The following SEMA5A variants were observed in gnomAD, a reference collection of about 807,000 sequenced individuals.
The protein encoded by SEMA5A is semaphorin-5A.
In SEMA5A, 55 loss-of-function variants were observed where a neutral mutation model predicts 135.5. That is an observed-to-expected ratio of 0.41 (90% CI 0.33 to 0.51). The LOEUF (loss-of-function observed/expected upper bound fraction) is 0.51. Among genes scored for constraint, SEMA5A ranks in the 20% least tolerant of loss-of-function variants. The pLI, the probability that SEMA5A is intolerant of heterozygous loss-of-function variation, is 0.37. For missense variants in SEMA5A, 1,290 were observed against 1,419.9 expected, an observed-to-expected ratio of 0.91 and a Z score of 1.47; for synonymous variants, 580 against 546.5, an observed-to-expected ratio of 1.06 and a Z score of -0.85.
chr5:9,488,258 A>C (rs879856675), intron 1 of SEMA5A, among the ~76,000 whole-genome samples: 1 of 152,076 alleles, frequency 6.6e-6, no homozygotes, highest in Admixed American at 6.6e-5. Context: ...CCTTCCTTGG[A>C]CATGTAAAAT....
At chr5:9,079,191 C>T (rs114496602) in intron 16 of SEMA5A, among the ~76,000 whole-genome samples, 16,316 of 151,864 alleles carry the variant, frequency 0.11, 999 homozygotes, top group Middle Eastern at 0.15. Flanking sequence ...TGCAAAAGAA[C>T]GGAAATCATA....
At chr5:9,336,513 T>C (rs1481891785) in intron 4 of SEMA5A, among the ~76,000 whole-genome samples, 2 of 152,204 alleles carry the variant, frequency 1.3e-5, no homozygotes, top group African/African-American at 4.8e-5. Flanking sequence ...TCCCCCAGTA[T>C]TGCTACTGGA....
intron 4 of SEMA5A, among the ~76,000 whole-genome samples, chr5:9,326,070 G>A (rs1296912723): frequency 2.0e-5 from 3 of 152,194 alleles, no homozygotes; most frequent in African/African-American, 4.8e-5. Flanking sequence ...GCCAGTTGGG[G>A]AAGGCTGAGA....
chr5:9,242,105 C>T (rs1220221083), intron 5 of SEMA5A, among the ~76,000 whole-genome samples: 1 of 152,206 alleles, frequency 6.6e-6, no homozygotes, highest in Admixed American at 6.6e-5. Flanking sequence ...GGAAATGTTA[C>T]ATTGCCATGG....
At chr5:9,182,527 A>G (rs1012240778) in intron 11 of SEMA5A, among the ~76,000 whole-genome samples, 4 of 152,038 alleles carry the variant, frequency 2.6e-5, no homozygotes, top group African/African-American at 4.8e-5. Flanking sequence ...TGTATAGTCC[A>G]TGTCTATTTG....
chr5:9,195,137 C>T (rs1285763522), intron 10 of SEMA5A, among the ~76,000 whole-genome samples: 1 of 152,194 alleles, frequency 6.6e-6, no homozygotes, highest in African/African-American at 2.4e-5. Context: ...TGCATTTACA[C>T]AACATTTGAT....
intron 5 of SEMA5A, among the ~76,000 whole-genome samples, chr5:9,277,587 T>C (rs976842643): frequency 2.6e-5 from 4 of 152,102 alleles, no homozygotes; most frequent in Non-Finnish European, 4.4e-5. Flanking sequence ...AATGATAGAC[T>C]GGATAAAGAA....
intron 16 of SEMA5A, among the ~76,000 whole-genome samples, chr5:9,082,846 C>T (rs1293832677): frequency 3.3e-5 from 5 of 152,164 alleles, no homozygotes; most frequent in Admixed American, 1.3e-4. Context: ...AATTATCCTA[C>T]TAGGAATATC....
chr5:9,374,327 C>G lies in SEMA5A; in HGVS notation c.124+5496G>C, dbSNP rs1023796952. On this transcript the variant is annotated intron_variant, in intron 3 of 22. Coordinates refer to ENST00000382496, the MANE Select transcript of SEMA5A (RefSeq NM_003966.3). ...CAGGTAAATCAGATCAAGACTCTGACAGAACATGCTAAGTTGCATGAAGAC... is the reference window on the plus strand; with the variant it reads ...CAGGTAAATCAGATCAAGACTCTGAGAGAACATGCTAAGTTGCATGAAGAC... Among the ~76,000 whole-genome samples the G allele has an allele frequency of 2.0e-5, 3 of 151,916 alleles. No individual in the cohort carries two copies. In the South Asian group the frequency reaches 6.3e-4, roughly 32 times the overall value.
At chr5:9,088,175 C>T (rs1738808822) in intron 16 of SEMA5A, among the ~76,000 whole-genome samples, 1 of 151,798 alleles carries the variant, frequency 6.6e-6, no homozygotes, top group African/African-American at 2.4e-5. Context: ...GGCATGGTGG[C>T]ATGTGCCTGT....
chr5:9,259,899 G>A (rs1270978050), intron 5 of SEMA5A, among the ~76,000 whole-genome samples: 1 of 25,536 alleles, frequency 3.9e-5, no homozygotes, highest in Non-Finnish European at 8.2e-5. Flanking sequence ...AATCAGAGCA[G>A]AACTGAAGGA....
At chr5:9,069,503 C>A (rs1737658188) in intron 16 of SEMA5A, among the ~76,000 whole-genome samples, 1 of 152,126 alleles carries the variant, frequency 6.6e-6, no homozygotes, top group Admixed American at 6.5e-5. Context: ...TCCATGCCAC[C>A]AACTTTACCT....
Position 9,042,882 on chromosome 5 carries a change from A to G in SEMA5A, c.*15T>C. 3 of 1,613,830 alleles carry G rather than the reference A, an allele frequency of 1.9e-6. No individual in the cohort carries two copies. The highest frequency in any genetic ancestry group is 2.5e-6 in the Non-Finnish European group (3 of 1,179,904). ...GGAACTGGGGATTTACAAGAAGCCA[A>G]AAACATGAAAGCTGTTAGTACTCAT... On this transcript the variant is annotated 3_prime_UTR_variant, in exon 23 of 23. Transcript: ENST00000382496.
At chr5:9,339,069 T>C (rs1414587495) in intron 3 of SEMA5A, among the ~76,000 whole-genome samples, 1 of 152,132 alleles carries the variant, frequency 6.6e-6, no homozygotes, top group African/African-American at 2.4e-5. Flanking sequence ...AGGATTTTCA[T>C]ATAAATTTCT....
At chr5:9,465,968 T>C (rs1398881582) in intron 1 of SEMA5A, among the ~76,000 whole-genome samples, 1 of 152,202 alleles carries the variant, frequency 6.6e-6, no homozygotes, top group Non-Finnish European at 1.5e-5. Context: ...CCAGTGTTGC[T>C]AACCACAGAG....
intron 16 of SEMA5A, among the ~76,000 whole-genome samples, chr5:9,080,690 C>A (rs555618959): frequency 2.0e-5 from 3 of 152,252 alleles, no homozygotes; most frequent in Admixed American, 6.5e-5. Flanking sequence ...TTTCATGAGG[C>A]ATGTGGTGTT....
chr5:9,326,294 A>G lies in SEMA5A; in HGVS notation c.225-7877T>C, dbSNP rs1030514804. Among the ~76,000 whole-genome samples, 72 of 152,186 alleles carry G rather than the reference A, an allele frequency of 4.7e-4. 1 individual carries two copies. The highest frequency in any genetic ancestry group is 3.9e-3 in the Admixed American group (60 of 15,284). On this transcript the variant is annotated intron_variant, in intron 4 of 22. Coordinates refer to ENST00000382496, the MANE Select transcript of SEMA5A (RefSeq NM_003966.3). Reference sequence around the variant, plus strand: ...GAGATGGAGTCTCGCTCTGTTGCCCAGGCTGGATGTGCAGTGGCAGCATCT... The same window carrying G: ...GAGATGGAGTCTCGCTCTGTTGCCCGGGCTGGATGTGCAGTGGCAGCATCT...
At chr5:9,156,113 A>C (rs1332867700) in intron 11 of SEMA5A, among the ~76,000 whole-genome samples, 1 of 152,234 alleles carries the variant, frequency 6.6e-6, no homozygotes, top group Non-Finnish European at 1.5e-5. Flanking sequence ...AGAGAGAACG[A>C]GAGAGGGAAG....
intron 2 of SEMA5A, among the ~76,000 whole-genome samples, chr5:9,432,643 G>A (rs1206470699): frequency 1.3e-5 from 2 of 152,130 alleles, no homozygotes; most frequent in Non-Finnish European, 2.9e-5. Flanking sequence ...CAAAAAGCGA[G>A]ATCTAGATTC....
Sources: allele counts gnomAD v4.1 joint callset (sites outside exome capture counted in the v4.1 genomes callset), GRCh38; gene constraint gnomAD v4.1.1; transcripts MANE v1.5; gene names NCBI Gene and HGNC (gene_info 2026-07-23, HGNC 2026-07-21).